Variants in FMN2 observed in about 807,000 individuals in gnomAD.
FMN2 encodes the protein formin 2, also known as formin-2.
A neutral mutation model predicts 142.3 loss-of-function variants in FMN2; 51 were observed. That is an observed-to-expected ratio of 0.36 (90% CI 0.29 to 0.45). FMN2 has a LOEUF of 0.45. FMN2 is among the 20% of genes least tolerant of loss of function. The pLI is 1.00. For synonymous variants in FMN2, 882 were observed against 869.8 expected (o/e 1.01, Z -0.25); for missense variants, 1,936 against 2,122.8 (o/e 0.91, Z 1.73).
intron 7 of FMN2, among the ~76,000 whole-genome samples, chr1:240,294,222 A>G (rs1185142260): frequency 1.3e-5 from 2 of 152,200 alleles, no homozygotes; most frequent in Non-Finnish European, 2.9e-5. Flanking sequence ...TGATTTTTCT[A>G]TTATCTATCC....
chr1:240,290,736 A>G (rs1309730907), intron 7 of FMN2, among the ~76,000 whole-genome samples: 2 of 151,238 alleles, frequency 1.3e-5, no homozygotes, highest in African/African-American at 4.9e-5. Context: ...ATCGTAGACA[A>G]GAATTGTTGT....
chr1:240,172,418 A>G (rs546107336), intron 2 of FMN2, among the ~76,000 whole-genome samples: 3 of 152,320 alleles, frequency 2.0e-5, no homozygotes, highest in Non-Finnish European at 4.4e-5. Flanking sequence ...AATTCCTCTG[A>G]AAAGGATTTT....
intron 14 of FMN2, among the ~76,000 whole-genome samples, chr1:240,392,206 T>C (rs1387479614): frequency 6.6e-6 from 1 of 152,038 alleles, no homozygotes; most frequent in Non-Finnish European, 1.5e-5. Context: ...GATGTAAATA[T>C]GAAACTAGTG....
chr1:240,123,926 G>T (rs1046241958), intron 2 of FMN2, among the ~76,000 whole-genome samples: 17 of 152,156 alleles, frequency 1.1e-4, no homozygotes, highest in Admixed American at 8.5e-4. Flanking sequence ...TACAGTATTT[G>T]TCCTGTTTGT....
chr1:240,325,546 AGT>A (rs202122089), intron 8 of FMN2, among the ~76,000 whole-genome samples: 45,850 of 151,908 alleles, frequency 0.3, 6,967 homozygotes, highest in South Asian at 0.33. Context: ...TAACTTGCCT[AGT>A]GTCAGTTAAC....
At chr1:240,319,655 G>A (rs1226273740) in intron 8 of FMN2, among the ~76,000 whole-genome samples, 1 of 152,132 alleles carries the variant, frequency 6.6e-6, no homozygotes, top group African/African-American at 2.4e-5. Context: ...TTCCCTTATG[G>A]AAGTGAAAAA....
rs986881900 is a variant in FMN2 at position 240,159,211 on chromosome 1, C to T, written c.1783-18710C>T. Among the ~76,000 whole-genome samples the T allele has an allele frequency of 4.6e-4, 70 of 151,894 alleles. 1 individual carries two copies. The highest frequency in any genetic ancestry group is 1.2e-3 in the African/African-American group (51 of 41,414). On this transcript the variant is annotated intron_variant, in intron 2 of 17. Transcript: ENST00000319653. ...TTTCTGTGTTTTTTTTTTAAATCCA[C>T]CCTATGAAACTTATCTTTATGTCTG...
At chr1:240,144,096 T>A in intron 2 of FMN2, 4 of 1,122,624 alleles carry the variant, frequency 3.6e-6, no homozygotes, top group Non-Finnish European at 5.5e-6. Flanking sequence ...CTTCTCAATC[T>A]GAATGAGGCC....
chr1:240,125,385 T>C (rs569978502), intron 2 of FMN2, among the ~76,000 whole-genome samples: 1 of 152,308 alleles, frequency 6.6e-6, no homozygotes, highest in East Asian at 1.9e-4. Flanking sequence ...GTAGATCTCT[T>C]TCTCTTATGG....
chr1:240,159,811 AT>A (rs1233332121), intron 2 of FMN2, among the ~76,000 whole-genome samples: 1 of 150,790 alleles, frequency 6.6e-6, no homozygotes, highest in Non-Finnish European at 1.5e-5. Context: ...GGTGGTATGA[AT>A]GTTTTTGCTC....
intron 6 of FMN2, among the ~76,000 whole-genome samples, chr1:240,235,018 TG>T (rs1328941342): frequency 2.0e-5 from 3 of 152,220 alleles, no homozygotes; most frequent in African/African-American, 7.2e-5. Flanking sequence ...ATCCTGTGTA[TG>T]GCAACCAGTA....
rs576748335 is a variant in FMN2 at position 240,398,294 on chromosome 1, G to A, written c.4910+5732G>A. Among the ~76,000 whole-genome samples the A allele has an allele frequency of 2.6e-5, 4 of 152,220 alleles. No individual in the cohort carries two copies. In the South Asian group the frequency reaches 6.2e-4, roughly 24 times the overall value. On this transcript the variant is annotated intron_variant, in intron 15 of 17. Coordinates refer to ENST00000319653, the MANE Select transcript of FMN2 (RefSeq NM_020066.5). ...GCTGGGATTACAGGGATGAGCCACC[G>A]TGCCTGGCCGGCGACATCTTTTATA...
At chr1:240,168,742 A>G (rs1664582947) in intron 2 of FMN2, among the ~76,000 whole-genome samples, 1 of 152,240 alleles carries the variant, frequency 6.6e-6, no homozygotes, top group Non-Finnish European at 1.5e-5. Context: ...AGATTAAAGA[A>G]AAGAAAAAAC....
chr1:240,149,199 A>T (rs2103269065), intron 2 of FMN2, among the ~76,000 whole-genome samples: 1 of 152,310 alleles, frequency 6.6e-6, no homozygotes, highest in South Asian at 2.1e-4. Context: ...AACCCTAGAA[A>T]AATTTGGAAA....
chr1:240,295,214 AC>A (rs373035959), intron 8 of FMN2, among the ~76,000 whole-genome samples: 5,258 of 125,960 alleles, frequency 0.042, 145 homozygotes, highest in Non-Finnish European at 0.059. Context: ...ACACACACAC[AC>A]ACACACACAC....
At chr1:240,118,586 G>A (rs764117308) in intron 1 of FMN2, among the ~76,000 whole-genome samples, 7 of 152,172 alleles carry the variant, frequency 4.6e-5, no homozygotes, top group Non-Finnish European at 7.3e-5. Context: ...ACCCACTGGA[G>A]AGTTTGGAGT....
intron 4 of FMN2, among the ~76,000 whole-genome samples, chr1:240,201,637 A>T (rs2103373288): frequency 6.6e-6 from 1 of 152,330 alleles, no homozygotes; most frequent in East Asian, 1.9e-4. Flanking sequence ...AATAATTTTA[A>T]TTTTAATAAT....
chr1:240,209,150 G>A (rs1000458901), intron 5 of FMN2, among the ~76,000 whole-genome samples: 6 of 151,980 alleles, frequency 3.9e-5, no homozygotes, highest in Non-Finnish European at 7.4e-5. Context: ...CATTTGTAGC[G>A]AAATTATTTT....
At chr1:240,193,713 G>A (rs1279416512) in intron 4 of FMN2, among the ~76,000 whole-genome samples, 3 of 152,222 alleles carry the variant, frequency 2.0e-5, no homozygotes, top group Non-Finnish European at 2.9e-5. Flanking sequence ...CAGCCTGACA[G>A]TGCCTTAACC....
Sources: gnomAD v4.1 joint callset for allele counts (sites outside exome capture counted in the v4.1 genomes callset) on GRCh38, gnomAD v4.1.1 for gene constraint, MANE v1.5 for transcripts, NCBI Gene and HGNC (gene_info 2026-07-23, HGNC 2026-07-21) for gene names.